Variants in NBAS observed in about 807,000 individuals in gnomAD.
The protein encoded by NBAS is NAG/BC035112 fusion.
Under a neutral mutation model 302.5 loss-of-function variants are expected in NBAS, and 219 were observed. The observed-to-expected ratio is 0.72, with a 90% CI of 0.65 to 0.81. NBAS has a LOEUF of 0.81. Among genes scored for constraint, NBAS ranks in the 30% least tolerant of loss-of-function variants. The pLI is 0.00. For synonymous variants in NBAS, 1,118 were observed against 1,021.6 expected, an observed-to-expected ratio of 1.09 and a Z score of -1.80; for missense variants, 2,932 against 2,841.6, an observed-to-expected ratio of 1.03 and a Z score of -0.72.
At chr2:15,295,020 A>C (rs1376286096) in intron 40 of NBAS, among the ~76,000 whole-genome samples, 1 of 152,196 alleles carries the variant, frequency 6.6e-6, no homozygotes, top group African/African-American at 2.4e-5. Flanking sequence ...TCATAGAACC[A>C]GCTACCTTAG....
chr2:15,028,508 C>A, the NBAS span, among the ~76,000 whole-genome samples: 6 of 152,308 alleles, frequency 3.9e-5, no homozygotes, highest in South Asian at 1.2e-3. Flanking sequence ...GTGTCATTTT[C>A]CTGCTTAAAA....
chr2:14,852,847 G>A, the NBAS span, among the ~76,000 whole-genome samples: 553 of 130,776 alleles, frequency 4.2e-3, 2 homozygotes, highest in Non-Finnish European at 7.3e-3. Context: ...AATAAATGGT[G>A]CTGGGAAAAC....
intron 44 of NBAS, among the ~76,000 whole-genome samples, chr2:15,259,248 C>T (rs1164191100): frequency 3.9e-5 from 6 of 152,150 alleles, no homozygotes; most frequent in African/African-American, 9.7e-5. Context: ...AGCACAAAGA[C>T]GTTGAATTGC....
chr2:15,383,407 A>C, intron 28 of NBAS, 90 bp from the exon 29 acceptor site: 1 of 1,042,966 alleles, frequency 9.6e-7, no homozygotes, highest in Non-Finnish European at 1.5e-6. Context: ...AAAAACAAAA[A>C]CTGGTACCAC....
chr2:14,835,789 A>G, the NBAS span, among the ~76,000 whole-genome samples: 6 of 152,134 alleles, frequency 3.9e-5, no homozygotes, highest in East Asian at 1.2e-3. Flanking sequence ...ACAAAATCAC[A>G]TTTATCATCT....
the NBAS span, among the ~76,000 whole-genome samples, chr2:14,790,100 GT>G: frequency 5.0e-3 from 757 of 152,312 alleles, 4 homozygotes; most frequent in Non-Finnish European, 7.6e-3. Flanking sequence ...AAGGACTTGA[GT>G]CCAAGATTAT....
intron 24 of NBAS, among the ~76,000 whole-genome samples, chr2:15,416,475 T>C (rs1676938499): frequency 6.6e-6 from 1 of 152,084 alleles, no homozygotes; most frequent in Non-Finnish European, 1.5e-5. Context: ...AAGAAACTAA[T>C]GAGATAACGG....
chr2:15,179,218 T>C, intron 50 of NBAS, 102 bp from the exon 51 acceptor site: 1 of 1,566,154 alleles, frequency 6.4e-7, no homozygotes, highest in East Asian at 2.3e-5. Flanking sequence ...GTAGCGTGTG[T>C]GTGTGTGTGT....
At chr2:14,801,142 C>T in the NBAS span, among the ~76,000 whole-genome samples, 4 of 152,056 alleles carry the variant, frequency 2.6e-5, no homozygotes, top group East Asian at 7.7e-4. Flanking sequence ...TTAAAATTTA[C>T]ACTTTAGCAC....
the NBAS span, among the ~76,000 whole-genome samples, chr2:14,957,684 G>A: frequency 3.9e-5 from 6 of 152,124 alleles, no homozygotes; most frequent in South Asian, 2.1e-4. Flanking sequence ...CACCATACAC[G>A]TCTTCCTTGC....
intron 50 of NBAS, among the ~76,000 whole-genome samples, chr2:15,184,979 T>C (rs1276503972): frequency 6.6e-6 from 1 of 152,220 alleles, no homozygotes; most frequent in Non-Finnish European, 1.5e-5. Flanking sequence ...TATAGGCCAT[T>C]CTTGAAGGAA....
chr2:15,045,928 T>C, the NBAS span, among the ~76,000 whole-genome samples: 1 of 152,234 alleles, frequency 6.6e-6, no homozygotes. Flanking sequence ...AGAGAGTGTG[T>C]ACCCCCTAAT....
chr2:14,974,792 A>G, the NBAS span, among the ~76,000 whole-genome samples: 31 of 152,288 alleles, frequency 2.0e-4, no homozygotes, highest in African/African-American at 7.2e-4. Context: ...GAATATGGGG[A>G]GATATCACTC....
At chr2:15,130,532 A>G in the NBAS span, among the ~76,000 whole-genome samples, 1 of 152,178 alleles carries the variant, frequency 6.6e-6, no homozygotes, top group Admixed American at 6.5e-5. Flanking sequence ...TCATCTTTAC[A>G]ACTCTTGGAG....
At chr2:15,550,844 C>T (rs988841397) in intron 6 of NBAS, among the ~76,000 whole-genome samples, 1 of 152,152 alleles carries the variant, frequency 6.6e-6, no homozygotes, top group Non-Finnish European at 1.5e-5. Context: ...ACCTCGGCCT[C>T]CCAAAGTGCT....
Position 15,192,060 on chromosome 2 carries a change from C to T in NBAS, c.6433-1657G>A, listed in dbSNP as rs565102900. On this transcript the variant is annotated intron_variant, in intron 48 of 51. Coordinates refer to ENST00000281513, the MANE Select transcript of NBAS (RefSeq NM_015909.4). ...AGGCCTTGTTCAACTGCCTTACTTA[C>T]AGGAGCACTGCTCCATACCTGTCCA... Among the ~76,000 whole-genome samples, 575 of 152,318 alleles carry T rather than the reference C, an allele frequency of 3.8e-3. 2 individuals carry two copies. The highest frequency in any genetic ancestry group is 6.9e-3 in the Non-Finnish European group (467 of 68,012).
chr2:14,899,197 C>T, the NBAS span, among the ~76,000 whole-genome samples: 1 of 152,206 alleles, frequency 6.6e-6, no homozygotes, highest in Admixed American at 6.5e-5. Context: ...ATTACTTCCT[C>T]CACATTCTGC....
chr2:14,974,223 T>C, the NBAS span, among the ~76,000 whole-genome samples: 2 of 152,214 alleles, frequency 1.3e-5, no homozygotes, highest in Non-Finnish European at 2.9e-5. Context: ...CTTTGGAAAC[T>C]TTGAATTATC....
At chr2:15,161,055 G>A in the NBAS span, among the ~76,000 whole-genome samples, 4 of 152,132 alleles carry the variant, frequency 2.6e-5, no homozygotes, top group Non-Finnish European at 5.9e-5. Context: ...TAGCATAGTC[G>A]AAGAAAGCCT....
Sources: allele counts gnomAD v4.1 joint callset (sites outside exome capture counted in the v4.1 genomes callset), GRCh38; gene constraint gnomAD v4.1.1; transcripts MANE v1.5; gene names NCBI Gene and HGNC (gene_info 2026-07-23, HGNC 2026-07-21).